VPS41: variants seen among roughly 807,000 people sequenced by gnomAD.
VPS41 encodes the protein VPS41 subunit of HOPS complex.
Under a neutral mutation model 130.9 loss-of-function variants are expected in VPS41, and 85 were observed. That is an observed-to-expected ratio of 0.65 (90% CI 0.55 to 0.78). The LOEUF (loss-of-function observed/expected upper bound fraction) is 0.78, where lower values mean the gene tolerates loss of function less well. VPS41 is among the 30% of genes least tolerant of loss of function. The pLI is 0.00. For synonymous variants in VPS41, 335 were observed against 332.9 expected (o/e 1.01, Z -0.07); for missense variants, 874 against 1,018.7 (o/e 0.86, Z 1.93).
chr7:38,834,772 AT>A (rs200894077), intron 4 of VPS41, among the ~76,000 whole-genome samples: 3 of 148,588 alleles, frequency 2.0e-5, no homozygotes, highest in Non-Finnish European at 4.4e-5. Context: ...AAATTTTGAG[AT>A]TTTTTTTTCA....
chr7:38,881,845 C>G (rs527788526), intron 2 of VPS41, among the ~76,000 whole-genome samples: 1 of 152,254 alleles, frequency 6.6e-6, no homozygotes, highest in African/African-American at 2.4e-5. Context: ...AGCAGCTCTA[C>G]TAGATACTGG....
chr7:38,902,199 C>T (rs957685093), intron 1 of VPS41, among the ~76,000 whole-genome samples: 5 of 152,138 alleles, frequency 3.3e-5, no homozygotes, highest in Admixed American at 6.5e-5. Flanking sequence ...ACAGACCAGA[C>T]GGCCACTGCC....
intron 4 of VPS41, among the ~76,000 whole-genome samples, chr7:38,846,287 G>A (rs1785722204): frequency 6.6e-6 from 1 of 152,190 alleles, no homozygotes; most frequent in Non-Finnish European, 1.5e-5. Flanking sequence ...TGACTTAAGA[G>A]CAGGGTCTGT....
intron 25 of VPS41, among the ~76,000 whole-genome samples, chr7:38,731,495 G>A (rs777178942): frequency 1.5e-4 from 23 of 152,246 alleles, no homozygotes; most frequent in East Asian, 3.9e-4. Context: ...AGCAGTTGGC[G>A]TAAGCAGGTC....
intron 17 of VPS41, among the ~76,000 whole-genome samples, chr7:38,758,726 T>TTCAGCCCTACCC (rs574784404): frequency 4.1e-4 from 62 of 152,322 alleles, no homozygotes; most frequent in African/African-American, 1.4e-3. Context: ...GTTGGAACTT[T>TTCAGCCCTACCC]TCAGCCCTAC....
chr7:38,792,908 C>T (rs1784559720), intron 9 of VPS41, among the ~76,000 whole-genome samples: 1 of 152,120 alleles, frequency 6.6e-6, no homozygotes, highest in Admixed American at 6.5e-5. Context: ...CAAAAGCACA[C>T]CAATCACACT....
intron 25 of VPS41, among the ~76,000 whole-genome samples, chr7:38,729,362 TTTTC>T (rs1163730731): frequency 6.6e-6 from 1 of 152,162 alleles, no homozygotes; most frequent in Non-Finnish European, 1.5e-5. Context: ...CAACCTATCT[TTTTC>T]TTTCCAAATC....
chr7:38,794,555 T>C (rs1268334203), intron 9 of VPS41, among the ~76,000 whole-genome samples: 5 of 152,222 alleles, frequency 3.3e-5, no homozygotes. Context: ...TATGCAAAAC[T>C]CTTTACATGC....
intron 5 of VPS41, among the ~76,000 whole-genome samples, chr7:38,826,228 A>G (rs1785272218): frequency 6.6e-6 from 1 of 152,214 alleles, no homozygotes; most frequent in Admixed American, 6.5e-5. Flanking sequence ...GGGGATTCTA[A>G]AATACCCAAA....
chr7:38,834,393 C>T (rs1401154040), intron 4 of VPS41, among the ~76,000 whole-genome samples: 1 of 152,156 alleles, frequency 6.6e-6, no homozygotes, highest in African/African-American at 2.4e-5. Context: ...AGAAAGCATC[C>T]TTTCCTCATT....
intron 1 of VPS41, among the ~76,000 whole-genome samples, chr7:38,899,014 A>G (rs1787083019): frequency 6.6e-6 from 1 of 152,210 alleles, no homozygotes; most frequent in Non-Finnish European, 1.5e-5. Flanking sequence ...AAAAAAATGA[A>G]CATTTTAAGG....
intron 2 of VPS41, among the ~76,000 whole-genome samples, chr7:38,878,287 G>A (rs1786532776): frequency 6.6e-6 from 1 of 152,116 alleles, no homozygotes; most frequent in African/African-American, 2.4e-5. Flanking sequence ...AAAAAACAGT[G>A]AGAAAATAAA....
Position 38,795,482 on chromosome 7 carries a change from A to G in VPS41, c.700T>C (p.Trp234Arg). The G allele has an allele frequency of 6.2e-7, 1 of 1,612,166 alleles. No homozygotes were observed. The highest frequency in any genetic ancestry group is 8.5e-7 in the Non-Finnish European group (1 of 1,178,978). The part of the protein sequence containing the change: ...WKDNVTLIIG[W>R]GTSVKVCSVK... ...AAAACCACCTTGACAGAAGTCCCCC[A>G]GCCAATAATCAGTGTCACATTGTCC... Residue 234 changes from tryptophan (W) to arginine (R), a missense_variant, in exon 9 of 29, where the codon TGG (tryptophan) becomes CGG (arginine). Coordinates refer to ENST00000310301, the MANE Select transcript of VPS41 (RefSeq NM_014396.4).
intron 23 of VPS41, 94 bp downstream of exon 23, chr7:38,745,465 G>T (rs1584370297): frequency 2.1e-6 from 2 of 961,736 alleles, no homozygotes; most frequent in Admixed American, 1.8e-5. Context: ...GTGTTACGTT[G>T]GTCTAAAACC....
At position 38,853,191 on chromosome 7, in the gene VPS41, G is replaced by A. The variant is rs376760299; in HGVS notation, c.246+9354C>T. Reference sequence around the variant, plus strand: ...TCCCAGCACTTTGGGAAGCCGAGGTGGGCGGATCACAAGATCAGGAGATCA... The same window carrying A: ...TCCCAGCACTTTGGGAAGCCGAGGTAGGCGGATCACAAGATCAGGAGATCA... On this transcript the variant is annotated intron_variant, in intron 4 of 28. Transcript: ENST00000310301. Among the ~76,000 whole-genome samples the A allele has an allele frequency of 2.0e-5, 3 of 152,148 alleles. 1 individual carries two copies. The highest frequency in any genetic ancestry group is 1.9e-4 in the East Asian group (1 of 5,174).
chr7:38,894,641 T>C (rs907735137), intron 2 of VPS41, among the ~76,000 whole-genome samples: 14 of 152,100 alleles, frequency 9.2e-5, no homozygotes, highest in African/African-American at 2.9e-4. Context: ...ACAGCAACCA[T>C]ACAAGGCAAG....
intron 10 of VPS41, among the ~76,000 whole-genome samples, chr7:38,777,622 C>A (rs1377269496): frequency 6.6e-6 from 1 of 152,190 alleles, no homozygotes; most frequent in Non-Finnish European, 1.5e-5. Flanking sequence ...TTCCAGAAAT[C>A]ATACTCTACA....
intron 14 of VPS41, among the ~76,000 whole-genome samples, chr7:38,767,824 A>T (rs918675365): frequency 1.9e-4 from 29 of 152,120 alleles, no homozygotes; most frequent in African/African-American, 6.8e-4. Context: ...TCAGGTCATT[A>T]AAAAAAGTAA....
intron 4 of VPS41, among the ~76,000 whole-genome samples, chr7:38,859,737 C>T (rs998927639): frequency 4.6e-5 from 7 of 152,248 alleles, no homozygotes; most frequent in Admixed American, 3.9e-4. Context: ...GAATGCATCC[C>T]ACTGTTAAAC....
Sources: gnomAD v4.1 joint callset for allele counts (sites outside exome capture counted in the v4.1 genomes callset) on GRCh38, gnomAD v4.1.1 for gene constraint, MANE v1.5 for transcripts, NCBI Gene and HGNC (gene_info 2026-07-23, HGNC 2026-07-21) for gene names.